Variants in MRTFA observed in about 807,000 individuals in gnomAD.
MRTFA encodes myocardin-related transcription factor A.
A neutral mutation model predicts 83.5 loss-of-function variants in MRTFA; 20 were observed. The ratio of observed to expected loss-of-function variants is 0.24; its 90% CI spans 0.17 to 0.35. The LOEUF is 0.35. Ranked by LOEUF, MRTFA falls within the 10% of genes least tolerant of loss-of-function variation. MRTFA has a pLI of 1.00. For missense variants in MRTFA, 1,200 were observed against 1,224.7 expected (o/e 0.98, Z 0.30); for synonymous variants, 659 against 541.2 (o/e 1.22, Z -3.02).
intron 2 of MRTFA, among the ~76,000 whole-genome samples, chr22:40,560,023 A>G (rs1051875690): frequency 6.6e-5 from 10 of 152,194 alleles, no homozygotes; most frequent in Non-Finnish European, 1.3e-4. Context: ...GGTAAATTAT[A>G]TAGTGCTATT....
At chr22:40,465,732 T>A (rs1403138071) in intron 3 of MRTFA, among the ~76,000 whole-genome samples, 8 of 149,470 alleles carry the variant, frequency 5.4e-5, no homozygotes, top group Non-Finnish European at 1.0e-4. Flanking sequence ...GGTAATTTTT[T>A]AATTTTTTTT....
chr22:40,542,949 T>G (rs182971305), intron 3 of MRTFA, among the ~76,000 whole-genome samples: 1 of 152,328 alleles, frequency 6.6e-6, no homozygotes, highest in Admixed American at 6.5e-5. Flanking sequence ...TGCTTTTGTT[T>G]TGTTTTGTGT....
intron 2 of MRTFA, among the ~76,000 whole-genome samples, chr22:40,593,243 C>G (rs141618872): frequency 6.6e-6 from 1 of 152,258 alleles, no homozygotes; most frequent in East Asian, 1.9e-4. Context: ...TAACATAAAA[C>G]ACTACAAAAT....
chr22:40,418,990 G>C lies in MRTFA; in HGVS notation c.1748C>G (p.Pro583Arg). 1 of 1,612,888 alleles carries C rather than the reference G, an allele frequency of 6.2e-7. No individual in the cohort carries two copies. Among genetic ancestry groups the C allele is most frequent in the Non-Finnish European group, 8.5e-7 (1 of 1,179,936 alleles). The change falls in exon 12 of 15, where the codon CCT (proline) becomes CGT (arginine). Residue 583 changes from proline (P) to arginine (R), a missense_variant. Around this residue, in one of 2 missense-constraint regions of MRTFA, gnomAD observed 1,107 missense variants for 1,041.8 expected, o/e 1.06. Transcript: ENST00000355630. Reference sequence around the variant, plus strand: ...GGCCTGCAGGGTCAGCTGCGTCAGAGGTGATGTCACCATCTCACCAAAGGT... The same window carrying C: ...GGCCTGCAGGGTCAGCTGCGTCAGACGTGATGTCACCATCTCACCAAAGGT...
At chr22:40,603,773 A>T (rs200240071) in intron 1 of MRTFA, among the ~76,000 whole-genome samples, 3 of 147,540 alleles carry the variant, frequency 2.0e-5, no homozygotes, top group Admixed American at 6.8e-5. Context: ...TTTTTTTTTT[A>T]CTTTTTTTTT....
chr22:40,417,446 C>A lies in MRTFA; in HGVS notation c.2412G>T (p.Met804Ile), dbSNP rs758898285. 15 of 1,603,778 alleles carry A rather than the reference C, an allele frequency of 9.4e-6. No individual in the cohort carries two copies. In the Admixed American group the frequency reaches 2.4e-4, roughly 26 times the overall value. Residue 804 changes from methionine to isoleucine, a missense_variant, in exon 13 of 15, where the codon ATG becomes ATT. By Grantham distance (10) the Met-to-Ile change is conservative (BLOSUM62 1). Transcript: ENST00000355630. ...GGGGCTGCAGTGGGTGCTCCAGGTC[C>A]ATCTGGGCAGAGGGGGCAGGCGCTG... is the stretch of plus-strand genomic sequence containing the variant.
intron 3 of MRTFA, among the ~76,000 whole-genome samples, chr22:40,542,437 C>A (rs917727270): frequency 2.6e-5 from 4 of 152,162 alleles, no homozygotes; most frequent in Non-Finnish European, 4.4e-5. Context: ...TTTGTTGAGT[C>A]TTTTTCTTTC....
intron 3 of MRTFA, among the ~76,000 whole-genome samples, chr22:40,513,602 C>CAAAAAAAAAAAAAAA (rs111580647): frequency 7.6e-5 from 5 of 65,904 alleles, no homozygotes; most frequent in East Asian, 3.8e-4. Flanking sequence ...GACTCCATCT[C>CAAAAAAAAAAAAAAA]AAAAAAAAAA....
At chr22:40,460,397 C>T (rs1407124676) in intron 4 of MRTFA, among the ~76,000 whole-genome samples, 6 of 152,174 alleles carry the variant, frequency 3.9e-5, no homozygotes, top group Admixed American at 6.5e-5. Flanking sequence ...TACTACAGGT[C>T]CTGAGAAGTA....
chr22:40,426,077 G>A (rs753523520), intron 7 of MRTFA, among the ~76,000 whole-genome samples: 6 of 152,130 alleles, frequency 3.9e-5, no homozygotes, highest in Non-Finnish European at 7.4e-5. Context: ...GAACCTTGAC[G>A]ATAACTGAGG....
At chr22:40,589,260 T>C (rs967898380) in intron 2 of MRTFA, among the ~76,000 whole-genome samples, 4 of 152,144 alleles carry the variant, frequency 2.6e-5, no homozygotes, top group Admixed American at 1.3e-4. Context: ...TATGTATACA[T>C]GTACAGCTTA....
intron 2 of MRTFA, among the ~76,000 whole-genome samples, chr22:40,571,872 C>G (rs983592771): frequency 7.5e-6 from 1 of 133,796 alleles, no homozygotes; most frequent in Admixed American, 8.5e-5. Flanking sequence ...TGCAGTGAGC[C>G]GAGATCACGC....
At chr22:40,550,829 T>A (rs1447057125) in intron 3 of MRTFA, among the ~76,000 whole-genome samples, 1 of 149,620 alleles carries the variant, frequency 6.7e-6, no homozygotes, top group Non-Finnish European at 1.5e-5. Context: ...TCTATATTGT[T>A]CTTTATCCAT....
intron 2 of MRTFA, among the ~76,000 whole-genome samples, chr22:40,556,466 A>G (rs1188638744): frequency 6.6e-6 from 1 of 152,158 alleles, no homozygotes; most frequent in Non-Finnish European, 1.5e-5. Context: ...TATGAAGAAA[A>G]AAGATACTAA....
At chr22:40,557,898 C>T (rs1490601165) in intron 2 of MRTFA, among the ~76,000 whole-genome samples, 2 of 152,080 alleles carry the variant, frequency 1.3e-5, no homozygotes, top group East Asian at 1.9e-4. Flanking sequence ...CTCAGCCTCC[C>T]GAGTAACTGG....
rs371009835 is a variant in MRTFA, at chr22:40,564,692, G to A, written c.-21-12325C>T. Among the ~76,000 whole-genome samples the A allele has an allele frequency of 7.9e-5, 12 of 152,020 alleles. No homozygotes were observed. The East Asian group carries it at 1.5e-3, about 20-fold the overall frequency. ...TTTGGAGACGGAGCCTTGCACCGTC[G>A]CCCAGGCTGGAGTGCAGTGGCGTGA... On this transcript the variant is annotated intron_variant, in intron 2 of 14. Coordinates refer to ENST00000355630, the MANE Select transcript of MRTFA (RefSeq NM_020831.6).
intron 2 of MRTFA, chr22:40,569,324 A>G (rs766887631): frequency 2.3e-5 from 5 of 216,326 alleles, no homozygotes; most frequent in Admixed American, 2.2e-4. Context: ...CAAGAACTAC[A>G]GGACTGCCCC....
chr22:40,561,383 C>T lies in MRTFA; in HGVS notation c.-21-9016G>A, dbSNP rs185847316. Reference sequence around the variant, plus strand: ...ATGCATGCCTGTAGTCCCAGCTACTCGGGAGGCTGAGGTAGGAGGACTGCT... The same window carrying T: ...ATGCATGCCTGTAGTCCCAGCTACTTGGGAGGCTGAGGTAGGAGGACTGCT... On this transcript the variant is annotated intron_variant, in intron 2 of 14. Coordinates refer to ENST00000355630, the MANE Select transcript of MRTFA (RefSeq NM_020831.6). Among the ~76,000 whole-genome samples the T allele has an allele frequency of 8.9e-4, 135 of 151,152 alleles. 1 individual carries two copies. The Middle Eastern group carries it at 0.021, about 23-fold the overall frequency.
chr22:40,445,429 A>T (rs982725844), intron 4 of MRTFA, among the ~76,000 whole-genome samples: 10 of 152,246 alleles, frequency 6.6e-5, no homozygotes, highest in Non-Finnish European at 1.5e-4. Context: ...CACCTGAAAA[A>T]ATTAATTCAA....
Sources: gnomAD v4.1 joint callset for allele counts (sites outside exome capture counted in the v4.1 genomes callset) on GRCh38, gnomAD v4.1.1 for gene constraint, gnomAD v4.1.1 regional missense constraint, MANE v1.5 for transcripts, NCBI Gene and HGNC (gene_info 2026-07-23, HGNC 2026-07-21) for gene names.